The following CENPP variants were observed in gnomAD, a reference collection of about 807,000 sequenced individuals.
The protein encoded by CENPP is centromere protein P.
A neutral mutation model predicts 35.6 loss-of-function variants in CENPP; 24 were observed. The ratio of observed to expected loss-of-function variants is 0.67; its 90% CI spans 0.49 to 0.95. The LOEUF is 0.95. CENPP is among the 40% of genes least tolerant of loss of function. CENPP has a pLI of 0.00. For missense variants in CENPP, 332 were observed against 345.3 expected (o/e 0.96, Z 0.31); for synonymous variants, 120 against 125.5 (o/e 0.96, Z 0.29).
At chr9:92,415,154 A>G (rs1403025680) in intron 5 of CENPP, 2 of 1,601,192 alleles carry the variant, frequency 1.2e-6, no homozygotes, top group African/African-American at 2.7e-5. Context: ...GTTTCTTGCT[A>G]TTCTTGATTT....
At chr9:92,363,888 G>A (rs1262309470) in intron 4 of CENPP, among the ~76,000 whole-genome samples, 1 of 150,524 alleles carries the variant, frequency 6.6e-6, no homozygotes, top group African/African-American at 2.4e-5. Context: ...TCACTCTGTT[G>A]CCCAGGCTGG....
At chr9:92,397,137 A>G (rs966988547) in intron 5 of CENPP, among the ~76,000 whole-genome samples, 5 of 152,034 alleles carry the variant, frequency 3.3e-5, no homozygotes, top group African/African-American at 4.8e-5. Context: ...TGATCATGCC[A>G]CTATACTCCA....
chr9:92,570,266 T>C (rs1850100241), intron 5 of CENPP, among the ~76,000 whole-genome samples: 1 of 152,214 alleles, frequency 6.6e-6, no homozygotes, highest in Non-Finnish European at 1.5e-5. Flanking sequence ...ATACCTAGTC[T>C]ATTGAGAGTT....
At position 92,483,568 on chromosome 9, in the gene CENPP, G is replaced by T. The variant is rs1845980472; in HGVS notation, c.564+103709G>T. ...CTAACCCTAGTGGCAAGGACTTACT[G>T]TTGTAAGTGACCCCAATGGTTCTTC... On this transcript the variant is annotated intron_variant, in intron 5 of 7. Transcript: ENST00000375587. Among the ~76,000 whole-genome samples, 7 of 152,192 alleles carry T rather than the reference G, an allele frequency of 4.6e-5. No individual in the cohort carries two copies. In the South Asian group the frequency reaches 1.4e-3, roughly 31 times the overall value.
chr9:92,471,129 G>A (rs973420198), intron 5 of CENPP, among the ~76,000 whole-genome samples: 1 of 152,056 alleles, frequency 6.6e-6, no homozygotes, highest in African/African-American at 2.4e-5. Flanking sequence ...AGGAATGTTA[G>A]CTTTCTTTGC....
intron 5 of CENPP, among the ~76,000 whole-genome samples, chr9:92,447,560 G>T (rs1844584840): frequency 6.6e-6 from 1 of 152,158 alleles, no homozygotes; most frequent in Non-Finnish European, 1.5e-5. Flanking sequence ...ACCTCCTGCT[G>T]TGTATTTCAG....
At chr9:92,597,000 A>C (rs1850801114) in intron 5 of CENPP, among the ~76,000 whole-genome samples, 1 of 152,158 alleles carries the variant, frequency 6.6e-6, no homozygotes, top group Non-Finnish European at 1.5e-5. Context: ...CATCAAAGTC[A>C]GTTGCCAGCA....
chr9:92,581,687 G>T (rs560043400), intron 5 of CENPP, among the ~76,000 whole-genome samples: 1 of 152,294 alleles, frequency 6.6e-6, no homozygotes, highest in Non-Finnish European at 1.5e-5. Flanking sequence ...ATTTTAGAAT[G>T]AAAGGATCAT....
intron 5 of CENPP, among the ~76,000 whole-genome samples, chr9:92,441,868 C>G (rs1261356463): frequency 6.6e-6 from 1 of 152,004 alleles, no homozygotes; most frequent in African/African-American, 2.4e-5. Flanking sequence ...AATTGTGGAA[C>G]AGTTGGCAAG....
At chr9:92,516,672 C>T (rs1275776074) in intron 5 of CENPP, 1 of 152,158 alleles carries the variant, frequency 6.6e-6, no homozygotes. Context: ...TTCAAGAATA[C>T]TCCAAGTCTT....
intron 5 of CENPP, among the ~76,000 whole-genome samples, chr9:92,469,860 G>A (rs1845445030): frequency 6.6e-6 from 1 of 152,158 alleles, no homozygotes; most frequent in African/African-American, 2.4e-5. Flanking sequence ...ACTTCGAAAT[G>A]ATTTTTTTGG....
At chr9:92,592,362 A>G (rs1850686498) in intron 5 of CENPP, among the ~76,000 whole-genome samples, 1 of 152,166 alleles carries the variant, frequency 6.6e-6, no homozygotes, top group South Asian at 2.1e-4. Flanking sequence ...AGCCTGCTCT[A>G]GAACCTGATG....
chr9:92,579,102 G>A, intron 5 of CENPP, among the ~76,000 whole-genome samples: 1 of 150,766 alleles, frequency 6.6e-6, no homozygotes, highest in Admixed American at 6.6e-5. Flanking sequence ...TCAAAGATCA[G>A]ATAGTTGTAG....
At chr9:92,477,122 A>T (rs551026209) in intron 5 of CENPP, among the ~76,000 whole-genome samples, 29 of 152,294 alleles carry the variant, frequency 1.9e-4, no homozygotes, top group Middle Eastern at 3.4e-3. Context: ...GGTGGAAATC[A>T]CCAACTGTGG....
Position 92,613,226 on chromosome 9 carries a change from A to G in CENPP, c.*77A>G, listed in dbSNP as rs1564022565. 3 of 1,581,428 alleles carry G rather than the reference A, an allele frequency of 1.9e-6. No homozygotes were observed. Among genetic ancestry groups the G allele is most frequent in the Non-Finnish European group, 2.6e-6 (3 of 1,152,884 alleles). Reference sequence around the variant, plus strand: ...ATTTTATTCAATATAAACATTTGCTATTTTCTGCTTAGAAACCACACCCTG... The same window carrying G: ...ATTTTATTCAATATAAACATTTGCTGTTTTCTGCTTAGAAACCACACCCTG... On this transcript the variant is annotated 3_prime_UTR_variant, in exon 8 of 8. Coordinates refer to ENST00000375587, the MANE Select transcript of CENPP (RefSeq NM_001012267.3).
intron 5 of CENPP, among the ~76,000 whole-genome samples, chr9:92,598,383 G>T (rs553857366): frequency 1.1e-4 from 17 of 152,332 alleles, no homozygotes; most frequent in African/African-American, 4.1e-4. Flanking sequence ...CCCTAGCAAA[G>T]GGACAGTGAT....
At chr9:92,341,792 C>T (rs1380882858) in intron 3 of CENPP, 9 of 152,304 alleles carry the variant, frequency 5.9e-5, no homozygotes, top group Non-Finnish European at 1.2e-4. Flanking sequence ...TGCCTCCTAA[C>T]AGACAGTGTT....
intron 5 of CENPP, among the ~76,000 whole-genome samples, chr9:92,575,344 A>G (rs1039992283): frequency 3.2e-4 from 48 of 152,336 alleles, no homozygotes; most frequent in African/African-American, 1.1e-3. Context: ...GAGAACTCCT[A>G]AAACTCAACA....
rs1184680693 is a variant in CENPP at position 92,552,114 on chromosome 9, GTGATATGATAGA to G, written c.565-59198_565-59187del. 7.7e-5 allele frequency among the ~76,000 whole-genome samples: 11 copies of G among 142,346 alleles called. 1 individual carries two copies. The highest frequency in any genetic ancestry group is 2.7e-4 in the African/African-American group (10 of 37,274). The allele number at this position is 142,346 out of a possible 152,430, so 93.4% of individuals were successfully genotyped here. The stretch of plus-strand genomic sequence containing the variant: ...GATATGATAGATCTATCATATATAT[GTGATATGATAGA>G]TCTATCATATATATGTGATATGATA... On this transcript the variant is annotated intron_variant, in intron 5 of 7. Transcript: ENST00000375587.
Sources: gnomAD v4.1 joint callset for allele counts (sites outside exome capture counted in the v4.1 genomes callset) on GRCh38, gnomAD v4.1.1 for gene constraint, MANE v1.5 for transcripts, NCBI Gene and HGNC (gene_info 2026-07-23, HGNC 2026-07-21) for gene names.